Variants in PVT1 observed in about 807,000 individuals in gnomAD.
PVT1 encodes CXCR4/PVT1 fusion.
chr8:127,844,064 G>C (rs1473157033), intron 2 of PVT1, among the ~76,000 whole-genome samples: 1 of 151,682 alleles, frequency 6.6e-6, no homozygotes, highest in African/African-American at 2.4e-5. Context: ...CTCACTGCAA[G>C]CTCTGCCTCC....
chr8:127,836,274 C>T (rs1814907889), intron 2 of PVT1, among the ~76,000 whole-genome samples: 1 of 152,132 alleles, frequency 6.6e-6, no homozygotes, highest in South Asian at 2.1e-4. Context: ...GTGGGTGGTT[C>T]ATACATATTC....
chr8:127,849,520 C>G (rs149707679), intron 2 of PVT1, among the ~76,000 whole-genome samples: 270 of 152,304 alleles, frequency 1.8e-3, no homozygotes, highest in Non-Finnish European at 3.5e-3. Flanking sequence ...GAAGTGGTAG[C>G]TATCATTCAC....
chr8:127,814,383 A>C (rs938388972), intron 2 of PVT1, among the ~76,000 whole-genome samples: 1 of 152,194 alleles, frequency 6.6e-6, no homozygotes, highest in Non-Finnish European at 1.5e-5. Flanking sequence ...CCAGCCTTTC[A>C]TGCATCCTTG....
At chr8:128,078,465 G>A (rs556231132) in intron 5 of PVT1, among the ~76,000 whole-genome samples, 29 of 152,280 alleles carry the variant, frequency 1.9e-4, no homozygotes, top group Admixed American at 9.8e-4. Flanking sequence ...CTAGCTCTGC[G>A]ACTTTGAGTG....
intron 4 of PVT1, among the ~76,000 whole-genome samples, chr8:128,034,172 C>G (rs1241783448): frequency 6.9e-6 from 1 of 145,152 alleles, no homozygotes; most frequent in African/African-American, 2.5e-5. Context: ...CCCCTCTTTT[C>G]TCTCCTCCTT....
At chr8:127,801,389 G>T (rs1369436562) in intron 2 of PVT1, among the ~76,000 whole-genome samples, 2 of 151,854 alleles carry the variant, frequency 1.3e-5, no homozygotes, top group African/African-American at 4.8e-5. Flanking sequence ...TTACAGGTGC[G>T]TGCCACCACG....
intron 3 of PVT1, among the ~76,000 whole-genome samples, chr8:127,909,088 G>A (rs569399535): frequency 6.6e-6 from 1 of 152,318 alleles, no homozygotes; most frequent in South Asian, 2.1e-4. Flanking sequence ...GAAGGACAAG[G>A]TTTGGCCCAC....
intron 3 of PVT1, among the ~76,000 whole-genome samples, chr8:127,967,970 C>T (rs1006466460): frequency 7.2e-5 from 11 of 152,122 alleles, no homozygotes; most frequent in Non-Finnish European, 1.0e-4. Flanking sequence ...TTGAAGGCTC[C>T]GGAAACGTAT....
intron 4 of PVT1, among the ~76,000 whole-genome samples, chr8:128,044,007 A>AT (rs1407949491): frequency 3.2e-4 from 7 of 21,878 alleles, no homozygotes; most frequent in East Asian, 1.3e-3. Context: ...TTTTATTATT[A>AT]TTTATTTATT....
At chr8:128,018,232 A>G (rs1046443836) in intron 4 of PVT1, among the ~76,000 whole-genome samples, 7 of 152,216 alleles carry the variant, frequency 4.6e-5, no homozygotes, top group Non-Finnish European at 7.3e-5. Context: ...GCATGATGAT[A>G]TTATAAGGAA....
At chr8:127,827,275 C>T (rs1470658035) in intron 2 of PVT1, among the ~76,000 whole-genome samples, 2 of 152,128 alleles carry the variant, frequency 1.3e-5, no homozygotes, top group African/African-American at 4.8e-5. Context: ...GGATTACAGG[C>T]GTGAGCCACC....
At chr8:127,949,737 G>A (rs766635603) in intron 3 of PVT1, among the ~76,000 whole-genome samples, 5 of 152,130 alleles carry the variant, frequency 3.3e-5, no homozygotes, top group East Asian at 3.9e-4. Flanking sequence ...TAGAGTCCCC[G>A]CCTCTTTTAC....
At chr8:127,956,458 A>G (rs1353964572) in intron 3 of PVT1, among the ~76,000 whole-genome samples, 1 of 152,230 alleles carries the variant, frequency 6.6e-6, no homozygotes, top group African/African-American at 2.4e-5. Context: ...ACAGCTCTGC[A>G]GTTTAATTTT....
At chr8:127,984,857 CTTTCTTTCTTTCTTTCTTTCT>C (rs1816929372) in intron 3 of PVT1, among the ~76,000 whole-genome samples, 1 of 43,166 alleles carries the variant, frequency 2.3e-5, no homozygotes, top group African/African-American at 6.7e-5. Flanking sequence ...TTCTTTCTTT[CTTTCTTTCTTTCTTTCTTTCT>C]TTCTTTCTTT....
At chr8:128,008,538 C>T (rs1863563) in intron 4 of PVT1, among the ~76,000 whole-genome samples, 83,462 of 152,042 alleles carry the variant, frequency 0.55, 23,490 homozygotes, top group Admixed American at 0.62. Context: ...GCTAATTCTC[C>T]GAAATGGTTT....
chr8:127,955,790 G>A (rs1816561428), intron 3 of PVT1, among the ~76,000 whole-genome samples: 1 of 151,964 alleles, frequency 6.6e-6, no homozygotes, highest in African/African-American at 2.4e-5. Context: ...TTTTCATGTT[G>A]CCCAGGCTGG....
chr8:127,971,630 T>C (rs1473514924), intron 3 of PVT1, among the ~76,000 whole-genome samples: 2 of 152,122 alleles, frequency 1.3e-5, no homozygotes, highest in Non-Finnish European at 2.9e-5. Flanking sequence ...CTGGAACCCA[T>C]GCCAGGCCAC....
chr8:128,022,770 C>T (rs1484756188), intron 4 of PVT1, among the ~76,000 whole-genome samples: 1 of 152,034 alleles, frequency 6.6e-6, no homozygotes, highest in Non-Finnish European at 1.5e-5. Flanking sequence ...GAACTGATTA[C>T]AGGAATGGCC....
At chr8:128,100,159 CT>C (rs780767203) in intron 6 of PVT1, among the ~76,000 whole-genome samples, 9,000 of 132,604 alleles carry the variant, frequency 0.068, 858 homozygotes, top group African/African-American at 0.21. Context: ...TCCTTCCTTC[CT>C]TCTTTCCTCC....
Sources: gnomAD v4.1 joint callset for allele counts (sites outside exome capture counted in the v4.1 genomes callset) on GRCh38, gnomAD v4.1.1 for gene constraint, MANE v1.5 for transcripts, NCBI Gene and HGNC (gene_info 2026-07-23, HGNC 2026-07-21) for gene names.